Variants in SH3RF1 observed in about 807,000 individuals in gnomAD.
SH3RF1 encodes the protein SH3 domain containing ring finger 1.
A neutral mutation model predicts 74.0 loss-of-function variants in SH3RF1; 32 were observed. The ratio of observed to expected loss-of-function variants is 0.43; its 90% CI spans 0.33 to 0.58. SH3RF1 has a LOEUF of 0.58. Ranked by LOEUF, SH3RF1 falls within the 20% of genes least tolerant of loss-of-function variation. The pLI, the probability that SH3RF1 is intolerant of heterozygous loss-of-function variation, is 0.05. For missense variants in SH3RF1, 954 were observed against 1,130.9 expected (o/e 0.84, Z 2.24); for synonymous variants, 396 against 439.6 (o/e 0.90, Z 1.24).
intron 4 of SH3RF1, 146 bp from the exon 5 acceptor site, chr4:169,136,766 A>T: frequency 4.6e-6 from 3 of 650,038 alleles, no homozygotes. Flanking sequence ...CCCATGTGAG[A>T]TATCTCTTCT....
Position 169,188,363 on chromosome 4 carries a change from A to G in SH3RF1, c.394-31684T>C, listed in dbSNP as rs150609613. Among the ~76,000 whole-genome samples, 855 of 152,278 alleles carry G rather than the reference A, an allele frequency of 5.6e-3. 14 individuals carry two copies. Among genetic ancestry groups the G allele is most frequent in the African/African-American group, 0.019 (789 of 41,550 alleles). ...TCCTACTTCATACTAACAACCACAC[A>G]ATCTTTACATTTCCTTCATCACTCT... On this transcript the variant is annotated intron_variant, in intron 2 of 11. Transcript: ENST00000284637.
intron 2 of SH3RF1, among the ~76,000 whole-genome samples, chr4:169,248,000 G>A (rs550182182): frequency 1.3e-4 from 20 of 152,324 alleles, no homozygotes; most frequent in East Asian, 1.2e-3. Context: ...AGATGCTGGC[G>A]AGGATGTGGA....
At chr4:169,193,388 T>C (rs558503143) in intron 2 of SH3RF1, among the ~76,000 whole-genome samples, 15 of 152,276 alleles carry the variant, frequency 9.9e-5, no homozygotes, top group South Asian at 2.1e-4. Context: ...GCTGCAGATG[T>C]GTTAGCTTCC....
intron 2 of SH3RF1, among the ~76,000 whole-genome samples, chr4:169,171,870 A>C (rs1734334183): frequency 6.6e-6 from 1 of 152,192 alleles, no homozygotes; most frequent in South Asian, 2.1e-4. Flanking sequence ...GATCCACTGG[A>C]TCTAGAGGTG....
intron 2 of SH3RF1, among the ~76,000 whole-genome samples, chr4:169,241,157 G>T (rs1311825988): frequency 6.6e-6 from 1 of 152,202 alleles, no homozygotes; most frequent in Non-Finnish European, 1.5e-5. Context: ...GTGAACCCAG[G>T]AGGCGGAGAT....
chr4:169,096,558 T>C lies in SH3RF1; in HGVS notation c.2628A>G (p.Lys876=). Residue 876 remains lysine (K), a synonymous_variant, in exon 12 of 12, where the codon AAA becomes AAG. Transcript: ENST00000284637. ...CAAAGCTTCCTGGGAAAAGGCCAGTTTTCCCATTACGTTGTAATGTGCCTT... is the reference window on the plus strand; with the variant it reads ...CAAAGCTTCCTGGGAAAAGGCCAGTCTTCCCATTACGTTGTAATGTGCCTT... ...WFKGTLQRNG[K]TGLFPGSFVE... is the part of the protein sequence containing the mutation. 6.2e-7 allele frequency: 1 copy of C among 1,614,096 alleles called. No homozygotes were observed. The highest frequency in any genetic ancestry group is 8.5e-7 in the Non-Finnish European group (1 of 1,180,004).
At chr4:169,252,242 A>G (rs1731117539) in intron 2 of SH3RF1, among the ~76,000 whole-genome samples, 2 of 152,358 alleles carry the variant, frequency 1.3e-5, no homozygotes. Flanking sequence ...GAACAGAATG[A>G]ATTCATTCAT....
At chr4:169,165,025 CAT>C (rs1235180850) in intron 2 of SH3RF1, among the ~76,000 whole-genome samples, 11 of 152,290 alleles carry the variant, frequency 7.2e-5, no homozygotes, top group East Asian at 1.9e-4. Context: ...TGTTTCATCA[CAT>C]GTTTAATAAT....
chr4:169,123,784 C>T (rs1289515743), intron 6 of SH3RF1, among the ~76,000 whole-genome samples: 2 of 151,786 alleles, frequency 1.3e-5, no homozygotes, highest in Non-Finnish European at 2.9e-5. Context: ...CCCAGCTACT[C>T]GGGAGGCTGA....
At chr4:169,152,213 C>T (rs1303115868) in intron 4 of SH3RF1, among the ~76,000 whole-genome samples, 2 of 152,136 alleles carry the variant, frequency 1.3e-5, no homozygotes, top group Non-Finnish European at 2.9e-5. Context: ...CTCTAAGGCT[C>T]AACCAAAGAG....
intron 2 of SH3RF1, among the ~76,000 whole-genome samples, chr4:169,176,020 T>C (rs1348464652): frequency 6.6e-6 from 1 of 152,184 alleles, no homozygotes; most frequent in Non-Finnish European, 1.5e-5. Context: ...TCTTCCTTTC[T>C]GTCCACATGC....
chr4:169,200,943 T>C (rs760060910), intron 2 of SH3RF1, among the ~76,000 whole-genome samples: 51 of 152,200 alleles, frequency 3.4e-4, no homozygotes, highest in Non-Finnish European at 6.0e-4. Flanking sequence ...ATGACAGCAG[T>C]AAGAGAACAG....
At chr4:169,220,475 T>C (rs577698282) in intron 2 of SH3RF1, 1 of 152,362 alleles carries the variant, frequency 6.6e-6, no homozygotes, top group Admixed American at 6.5e-5. Flanking sequence ...TTCTAGTACA[T>C]TTAGAGTGCA....
intron 2 of SH3RF1, among the ~76,000 whole-genome samples, chr4:169,232,875 T>C (rs763181269): frequency 6.6e-6 from 1 of 152,178 alleles, no homozygotes; most frequent in Non-Finnish European, 1.5e-5. Flanking sequence ...ACTCTGAACA[T>C]ATAATCTACT....
At chr4:169,130,215 T>C (rs1733592281) in intron 5 of SH3RF1, 59 bp from the exon 6 acceptor site, 1 of 1,148,008 alleles carries the variant, frequency 8.7e-7, no homozygotes. Flanking sequence ...CAGAATATAC[T>C]GGCTAAACCT....
chr4:169,097,403 C>T (rs1340779267), intron 11 of SH3RF1, among the ~76,000 whole-genome samples: 2 of 152,106 alleles, frequency 1.3e-5, no homozygotes, highest in Admixed American at 1.3e-4. Context: ...ATTATTCTGA[C>T]ATTTGGGTCT....
rs190608361 is a variant in SH3RF1 at position 169,173,443 on chromosome 4, A to T, written c.394-16764T>A. 7.6e-4 allele frequency among the ~76,000 whole-genome samples: 116 copies of T among 152,336 alleles called. 1 individual carries two copies. The highest frequency in any genetic ancestry group is 1.5e-3 in the Non-Finnish European group (100 of 68,036). On this transcript the variant is annotated intron_variant, in intron 2 of 11. Coordinates refer to ENST00000284637, the MANE Select transcript of SH3RF1 (RefSeq NM_020870.4). ...TAAGTTTTTTCTGGGATTAAAAAAA[A>T]AAAAGTAGCAAAAGAACACAGTAAG...
intron 6 of SH3RF1, among the ~76,000 whole-genome samples, chr4:169,125,732 ATGTC>A (rs1299842861): frequency 6.6e-6 from 1 of 152,080 alleles, no homozygotes; most frequent in Non-Finnish European, 1.5e-5. Flanking sequence ...TTCTTTCTAA[ATGTC>A]TGATTTCCAT....
chr4:169,248,965 C>T (rs1731053608), intron 2 of SH3RF1, among the ~76,000 whole-genome samples: 1 of 152,172 alleles, frequency 6.6e-6, no homozygotes, highest in Non-Finnish European at 1.5e-5. Flanking sequence ...CAGTGGCTCA[C>T]GCCTATAATC....
Sources: allele counts gnomAD v4.1 joint callset (sites outside exome capture counted in the v4.1 genomes callset), GRCh38; gene constraint gnomAD v4.1.1; transcripts MANE v1.5; gene names NCBI Gene and HGNC (gene_info 2026-07-23, HGNC 2026-07-21).